The following ZGRF1 variants were observed in gnomAD, a reference collection of about 807,000 sequenced individuals.
The protein encoded by ZGRF1 is zinc finger GRF-type containing 1, also known as 5'-3' DNA helicase ZGRF1.
A neutral mutation model predicts 203.5 loss-of-function variants in ZGRF1; 196 were observed. The ratio of observed to expected loss-of-function variants is 0.96; its 90% CI spans 0.86 to 1.08. The LOEUF (loss-of-function observed/expected upper bound fraction) is 1.08, where lower values mean the gene tolerates loss of function less well. ZGRF1 is among the 50% of genes least tolerant of loss of function. ZGRF1 has a pLI of 0.00. For synonymous variants in ZGRF1, 809 were observed against 841.3 expected, an observed-to-expected ratio of 0.96 and a Z score of 0.66; for missense variants, 2,326 against 2,416.3, an observed-to-expected ratio of 0.96 and a Z score of 0.78.
At chr4:112,606,609 G>T (rs1446017533) in intron 8 of ZGRF1, among the ~76,000 whole-genome samples, 5 of 148,846 alleles carry the variant, frequency 3.4e-5, no homozygotes, top group Non-Finnish European at 7.4e-5. Context: ...GGTGAGCTGA[G>T]ATCACGCCAT....
At chr4:112,602,908 CAGA>C (rs925295211) in intron 10 of ZGRF1, among the ~76,000 whole-genome samples, 47 of 152,068 alleles carry the variant, frequency 3.1e-4, no homozygotes, top group Non-Finnish European at 5.0e-4. Context: ...TGAAAAGGGG[CAGA>C]AGGAGAGCTT....
chr4:112,565,014 C>A, intron 16 of ZGRF1: 1 of 955,338 alleles, frequency 1.0e-6, no homozygotes, highest in Non-Finnish European at 1.7e-6. Flanking sequence ...AGACTGCCCA[C>A]AAATCAACCG....
In ZGRF1 at chr4:112,581,171, C is replaced by A. The variant is rs950773087; in HGVS notation, c.4438+492G>T. Among the ~76,000 whole-genome samples the A allele has an allele frequency of 3.2e-3, 489 of 150,824 alleles. 3 individuals carry two copies. Among genetic ancestry groups the A allele is most frequent in the African/African-American group, 0.011 (471 of 41,032 alleles). ...GAAACCATCATTCTCAGCAAACTAT[C>A]GCAAGGACAAAAAACCAAACACCGC... On this transcript the variant is annotated intron_variant, in intron 16 of 27. Transcript: ENST00000505019.
chr4:112,617,020 C>T (rs1044669510), intron 6 of ZGRF1, among the ~76,000 whole-genome samples: 1 of 151,740 alleles, frequency 6.6e-6, no homozygotes, highest in Non-Finnish European at 1.5e-5. Flanking sequence ...GCCTGTAATC[C>T]CAACTACTTG....
intron 20 of ZGRF1, among the ~76,000 whole-genome samples, chr4:112,557,768 T>C (rs928716896): frequency 6.6e-5 from 10 of 152,202 alleles, no homozygotes; most frequent in African/African-American, 9.6e-5. Context: ...AAGCTGCTTA[T>C]TGCAAACAAA....
intron 9 of ZGRF1, among the ~76,000 whole-genome samples, 174 bp from the exon 10 acceptor site, chr4:112,603,871 G>A (rs983339565): frequency 2.6e-5 from 4 of 152,068 alleles, no homozygotes; most frequent in African/African-American, 7.2e-5. Flanking sequence ...TAAAACATAC[G>A]TTATGGGTAA....
chr4:112,592,172 A>C (rs1193759508), intron 10 of ZGRF1, among the ~76,000 whole-genome samples: 1 of 143,420 alleles, frequency 7.0e-6, no homozygotes, highest in African/African-American at 2.6e-5. Flanking sequence ...ATCTCAGCTC[A>C]CTGCAACCTC....
At chr4:112,630,814 G>A (rs2047385175) in intron 3 of ZGRF1, among the ~76,000 whole-genome samples, 1 of 151,598 alleles carries the variant, frequency 6.6e-6, no homozygotes, top group African/African-American at 2.4e-5. Flanking sequence ...TTGAACGTGG[G>A]AGGCGGAGGC....
At chr4:112,560,217 C>G (rs1294979819) in intron 19 of ZGRF1, among the ~76,000 whole-genome samples, 2 of 152,132 alleles carry the variant, frequency 1.3e-5, no homozygotes, top group Non-Finnish European at 2.9e-5. Context: ...AAATCGCCTT[C>G]ACTGTGACAG....
Position 112,618,911 on chromosome 4 carries a change from C to T in ZGRF1, c.1131G>A (p.Thr377=), listed in dbSNP as rs762121190. 9.3e-6 allele frequency: 15 copies of T among 1,613,728 alleles called. No individual in the cohort carries two copies. The East Asian group carries it at 1.6e-4, about 17-fold the overall frequency. Residue 377 remains threonine, a synonymous_variant, in exon 6 of 28, where the codon ACG becomes ACA. Transcript: ENST00000505019. ...TATACTTTTTCCTCTCTTCAGCATA[C>T]GTTTCAACGAACTGTATAATTTTTT... ...SLQKIIQFVE[T]YAEERKKYNV...
At chr4:112,625,517 C>T (rs1260095501) in intron 3 of ZGRF1, among the ~76,000 whole-genome samples, 1 of 139,764 alleles carries the variant, frequency 7.2e-6, no homozygotes, top group East Asian at 2.2e-4. Context: ...ACCCGGGAGG[C>T]GGAGCTTGCA....
chr4:112,539,771 C>A (rs2306775), intron 27 of ZGRF1, 82 bp from the exon 28 acceptor site: 232,172 of 1,562,810 alleles, frequency 0.15, 19,959 homozygotes, highest in East Asian at 0.41. Context: ...CTTCCCCCAG[C>A]AGAGCTGTTC....
intron 2 of ZGRF1, among the ~76,000 whole-genome samples, 192 bp from the exon 3 acceptor site, chr4:112,632,202 T>G (rs1265340257): frequency 6.6e-6 from 1 of 150,792 alleles, no homozygotes; most frequent in Non-Finnish European, 1.5e-5. Context: ...TAAATATTAA[T>G]TAAATGAAAT....
chr4:112,621,601 T>C (rs1578475753), intron 4 of ZGRF1, among the ~76,000 whole-genome samples: 1 of 147,378 alleles, frequency 6.8e-6, no homozygotes, highest in East Asian at 2.0e-4. Context: ...TGCGGTGAGG[T>C]GAGATCGCGC....
chr4:112,624,098 C>T (rs1033288802), intron 3 of ZGRF1: 13 of 318,668 alleles, frequency 4.1e-5, no homozygotes, highest in East Asian at 5.9e-5. Flanking sequence ...GCAACCCGCT[C>T]GGGTCCCCTT....
At chr4:112,610,963 A>G in intron 7 of ZGRF1, 1 of 295,746 alleles carries the variant, frequency 3.4e-6, no homozygotes, top group Non-Finnish European at 6.6e-6. Flanking sequence ...AAAATCTGGA[A>G]ACATTAATAA....
chr4:112,594,935 G>A (rs745797434), intron 10 of ZGRF1, among the ~76,000 whole-genome samples: 1 of 151,806 alleles, frequency 6.6e-6, no homozygotes, highest in Non-Finnish European at 1.5e-5. Flanking sequence ...TGTTTTGTTA[G>A]ATTTTAACAA....
In ZGRF1 at chr4:112,560,779, T is replaced by A. The variant is rs1741812286; in HGVS notation, c.4914A>T (p.Glu1638Asp). Residue 1638 changes from glutamate (E) to aspartate (D), a missense_variant, in exon 19 of 28, where the codon GAA (glutamate) becomes GAT (aspartate). Physicochemically the swap from Glu to Asp is conservative, Grantham distance 45 (BLOSUM62 2). Transcript: ENST00000505019. ...AGGTATGAGTTTGCAGTTCCTTCAC[T>A]TCTTCAATGCTTTCATGTGATGCCA... The part of the protein sequence containing the change: ...QMMASHESIE[E>D]VKELQTHTFP... 2 of 1,602,308 alleles carry A rather than the reference T, an allele frequency of 1.2e-6. No homozygotes were observed. The highest frequency in any genetic ancestry group is 4.5e-5 in the East Asian group (2 of 44,516).
At chr4:112,562,764 G>A (rs1295697047) in intron 17 of ZGRF1, among the ~76,000 whole-genome samples, 1 of 152,200 alleles carries the variant, frequency 6.6e-6, no homozygotes, top group Non-Finnish European at 1.5e-5. Context: ...TTTTGAGTTA[G>A]TACCTAGTAG....
Sources: allele counts gnomAD v4.1 joint callset (sites outside exome capture counted in the v4.1 genomes callset), GRCh38; gene constraint gnomAD v4.1.1; transcripts MANE v1.5; gene names NCBI Gene and HGNC (gene_info 2026-07-23, HGNC 2026-07-21).